The following NFRKB variants were observed in gnomAD, a reference collection of about 807,000 sequenced individuals.
NFRKB encodes nuclear factor related to kappaB binding protein, also known as nuclear factor related to kappa-B-binding protein.
Under a neutral mutation model 135.7 loss-of-function variants are expected in NFRKB, and 62 were observed. That is an observed-to-expected ratio of 0.46 (90% CI 0.37 to 0.56). The LOEUF is 0.56. NFRKB is among the 20% of genes least tolerant of loss of function. The pLI, the probability that NFRKB is intolerant of heterozygous loss-of-function variation, is 0.00. For synonymous variants in NFRKB, 678 were observed against 635.6 expected (o/e 1.07, Z -1.00); for missense variants, 1,545 against 1,662.0 (o/e 0.93, Z 1.22).
In NFRKB at chr11:129,883,223, G is replaced by A; in HGVS notation, c.817-17C>T. 1 of 1,611,796 alleles carries A rather than the reference G, an allele frequency of 6.2e-7. No homozygotes were observed. ...CGGGTGATCCTAGATGTGATATCCA[G>A]AATTTGGTCATGGAGGCCCAAAAAG... On this transcript the variant is annotated splice_polypyrimidine_tract_variant and intron_variant, in intron 8 of 26. Coordinates refer to ENST00000682444, the MANE Select transcript of NFRKB (RefSeq NM_001143835.2).
intron 10 of NFRKB, 93 bp downstream of exon 10, chr11:129,882,358 T>C: frequency 2.1e-6 from 3 of 1,450,826 alleles, no homozygotes; most frequent in African/African-American, 1.4e-5. Context: ...AAGTCCAACA[T>C]ACTTACAGCT....
At chr11:129,883,716 A>C (rs1447911597) in intron 8 of NFRKB, among the ~76,000 whole-genome samples, 1 of 152,190 alleles carries the variant, frequency 6.6e-6, no homozygotes, top group Non-Finnish European at 1.5e-5. Context: ...GAATAATGGA[A>C]ACAGTAAAAA....
chr11:129,885,561 G>C lies in NFRKB; in HGVS notation c.514C>G (p.Gln172Glu). 4 of 1,613,880 alleles carry C rather than the reference G, an allele frequency of 2.5e-6. No individual in the cohort carries two copies. Among genetic ancestry groups the C allele is most frequent in the Non-Finnish European group, 3.4e-6 (4 of 1,179,774 alleles). ...GTGCGGGATGGTGAAGGGCGTTTCT[G>C]CCGGAAGGGAAGGGCGGGGCCACTC... ...RRSGPALPFR[Q>E]KRPSPSRTPE... Residue 172 changes from glutamine (Q) to glutamate (E), a missense_variant, in exon 6 of 27, where the codon CAG becomes GAG. By Grantham distance (29) the Gln-to-Glu change is conservative (BLOSUM62 2). Transcript: ENST00000682444.
intron 8 of NFRKB, among the ~76,000 whole-genome samples, chr11:129,883,825 C>T (rs967054722): frequency 9.9e-5 from 15 of 152,176 alleles, no homozygotes; most frequent in Non-Finnish European, 4.4e-5. Flanking sequence ...GAGGTGGAGA[C>T]GATTCCTATA....
intron 23 of NFRKB, among the ~76,000 whole-genome samples, chr11:129,871,621 G>A (rs1359878023): frequency 6.6e-6 from 1 of 152,086 alleles, no homozygotes; most frequent in Non-Finnish European, 1.5e-5. Flanking sequence ...AAACCGCACT[G>A]GCTCCCACTT....
chr11:129,869,411 G>C, intron 24 of NFRKB, 83 bp downstream of exon 24: 1 of 1,453,812 alleles, frequency 6.9e-7, no homozygotes, highest in South Asian at 1.4e-5. Context: ...CTAGTTTTTA[G>C]GGAGTTTCTC....
Position 129,881,749 on chromosome 11 carries a change from C to T in NFRKB, c.1296G>A (p.Gln432=), listed in dbSNP as rs766351029. Reference sequence around the variant, plus strand: ...TACCTCGACTTTCTCCAGCAAGATACTGCAGGGCTGGTAGTACCAACTCAG... The same window carrying T: ...TACCTCGACTTTCTCCAGCAAGATATTGCAGGGCTGGTAGTACCAACTCAG... ...NWAELVLPAL[Q]YLAGESRAVP... Residue 432 remains glutamine (Q), a synonymous_variant, in exon 12 of 27, where the codon CAG becomes CAA. Transcript: ENST00000682444. The T allele has an allele frequency of 1.1e-5, 17 of 1,614,054 alleles. No homozygotes were observed. In the Middle Eastern group the frequency reaches 1.3e-3, roughly 125 times the overall value.
At chr11:129,877,302 T>A (rs370791781) in intron 16 of NFRKB, 23 bp downstream of exon 16, 7 of 1,613,326 alleles carry the variant, frequency 4.3e-6, no homozygotes, top group Non-Finnish European at 5.9e-6. Flanking sequence ...GGCAGAGACT[T>A]ACACTGGCTT....
intron 4 of NFRKB, among the ~76,000 whole-genome samples, chr11:129,886,670 T>C (rs1268806999): frequency 2.0e-5 from 3 of 152,170 alleles, no homozygotes; most frequent in Admixed American, 6.5e-5. Flanking sequence ...GTAATGCAAC[T>C]GTCTTCAGCA....
chr11:129,873,727 C>T lies in NFRKB; in HGVS notation c.2550+18G>A, dbSNP rs1948627837. On this transcript the variant is annotated intron_variant, in intron 22 of 26. Coordinates refer to ENST00000682444, the MANE Select transcript of NFRKB (RefSeq NM_001143835.2). Reference sequence around the variant, plus strand: ...GTCTGCATCTCTGCTTCCCAATGACCACGGCTTCCCTGTTTACCTGGGGCA... The same window carrying T: ...GTCTGCATCTCTGCTTCCCAATGACTACGGCTTCCCTGTTTACCTGGGGCA... 1 of 1,605,356 alleles carries T rather than the reference C, an allele frequency of 6.2e-7. No homozygotes were observed. Among genetic ancestry groups the T allele is most frequent in the Non-Finnish European group, 8.5e-7 (1 of 1,172,734 alleles).
chr11:129,869,154 A>T (rs1028148123), intron 24 of NFRKB, among the ~76,000 whole-genome samples: 3 of 152,230 alleles, frequency 2.0e-5, no homozygotes, highest in Non-Finnish European at 4.4e-5. Context: ...ACCAACAGCA[A>T]TTAGTCTTCA....
Position 129,875,394 on chromosome 11 carries a change from T to G in NFRKB, c.1817A>C (p.Asp606Ala). The G allele has an allele frequency of 6.2e-7, 1 of 1,613,288 alleles. No individual in the cohort carries two copies. Among genetic ancestry groups the G allele is most frequent in the African/African-American group, 1.3e-5 (1 of 74,928 alleles). Residue 606 changes from aspartate to alanine, a missense_variant, in exon 18 of 27, where the codon GAC (aspartate) becomes GCC (alanine). Physicochemically the swap from Asp to Ala is moderately radical, Grantham distance 126. Coordinates refer to ENST00000682444, the MANE Select transcript of NFRKB (RefSeq NM_001143835.2). ...GACATCTGGTGCAAGAAACTGGGAG[T>G]CCTTAAGCAGTTCACAGATCTCTGC... is the stretch of plus-strand genomic sequence containing the variant. ...TRAEICELLK[D>A]SQFLAPDVTS...
In NFRKB at chr11:129,868,604, T is replaced by C. The variant is rs578225862; in HGVS notation, c.3531+890A>G. Among the ~76,000 whole-genome samples, 4 of 152,264 alleles carry C rather than the reference T, an allele frequency of 2.6e-5. No individual in the cohort carries two copies. The East Asian group carries it at 7.7e-4, about 29-fold the overall frequency. ...ACGTTCACACATAAGCCCAGACACA[T>C]TCGCCACTGCCTGGCTAACAGTGGA... is the stretch of plus-strand genomic sequence containing the variant. On this transcript the variant is annotated intron_variant, in intron 24 of 26. Coordinates refer to ENST00000682444, the MANE Select transcript of NFRKB (RefSeq NM_001143835.2).
Position 129,870,183 on chromosome 11 carries a change from G to A in NFRKB, c.2842C>T (p.Gln948Ter). ...IPLTATNFRI[Q>*]GKDVLRLPPS... is the part of the protein sequence containing the mutation. Reference sequence around the variant, plus strand: ...GGCAGACGCAATACATCCTTACCCTGGATGCGGAAGTTAGTGGCTGTGAGT... The same window carrying A: ...GGCAGACGCAATACATCCTTACCCTAGATGCGGAAGTTAGTGGCTGTGAGT... Residue 948 changes from glutamine (Q) to a stop codon, truncating the protein, a stop_gained, in exon 24 of 27, where the codon CAG becomes TAG. Transcript: ENST00000682444. LOFTEE classifies it high-confidence loss of function. The A allele has an allele frequency of 6.2e-7, 1 of 1,614,222 alleles. No individual in the cohort carries two copies. The highest frequency in any genetic ancestry group is 8.5e-7 in the Non-Finnish European group (1 of 1,180,048).
intron 25 of NFRKB, 54 bp from the exon 26 acceptor site, chr11:129,865,155 C>A: frequency 6.3e-7 from 1 of 1,577,814 alleles, no homozygotes. Flanking sequence ...TATTCTCTGG[C>A]CCAGATTTAG....
Position 129,878,494 on chromosome 11 carries a change from C to G in NFRKB, c.1434G>C (p.Trp478Cys). 6.2e-7 allele frequency: 1 copy of G among 1,614,116 alleles called. No homozygotes were observed. Among genetic ancestry groups the G allele is most frequent in the Admixed American group, 1.7e-5 (1 of 60,028 alleles). Residue 478 changes from tryptophan to cysteine, a missense_variant, in exon 14 of 27, where the codon TGG (tryptophan) becomes TGC (cysteine). By Grantham distance (215) the Trp-to-Cys change is radical (BLOSUM62 -2). Around this residue, in one of 3 missense-constraint regions of NFRKB, gnomAD observed 678 missense variants for 646.7 expected, o/e 1.05. Coordinates refer to ENST00000682444, the MANE Select transcript of NFRKB (RefSeq NM_001143835.2). ...AGAAGGCCTGATCTTTGGTCTCTAG[C>G]CATAGCTGGAAGAGGGCAGCTAATT... ...EKELAALFQL[W>C]LETKDQAFCK...
Position 129,864,691 on chromosome 11 carries a change from C to T in NFRKB, c.*34G>A, listed in dbSNP as rs1397542177. The T allele has an allele frequency of 1.9e-6, 3 of 1,613,556 alleles. No homozygotes were observed. Among genetic ancestry groups the T allele is most frequent in the Admixed American group, 3.3e-5 (2 of 60,004 alleles). On this transcript the variant is annotated 3_prime_UTR_variant, in exon 27 of 27. Transcript: ENST00000682444. ...CCCTTCTCAGCCAGGACAGACCAGGCATGGTCTTTCACGGAAGCCATCCTC... is the reference window on the plus strand; with the variant it reads ...CCCTTCTCAGCCAGGACAGACCAGGTATGGTCTTTCACGGAAGCCATCCTC...
At chr11:129,881,604 A>G in intron 12 of NFRKB, 96 bp from the exon 13 acceptor site, 1 of 1,591,292 alleles carries the variant, frequency 6.3e-7, no homozygotes, top group Non-Finnish European at 8.6e-7. Context: ...AAAAGCAGGA[A>G]CCTTCAAGGC....
At position 129,882,201 on chromosome 11, in the gene NFRKB, A is replaced by T. The variant is rs1450619698; in HGVS notation, c.1083-7T>A. On this transcript the variant is annotated splice_polypyrimidine_tract_variant and splice_region_variant and intron_variant, in intron 10 of 26. Coordinates refer to ENST00000682444, the MANE Select transcript of NFRKB (RefSeq NM_001143835.2). ...CTTGAGGTCTTCAAGGGGCCTAATG[A>T]GGGAAGAAAAATATAAGAACCAAAA... is the stretch of plus-strand genomic sequence containing the variant. The T allele has an allele frequency of 6.3e-7, 1 of 1,591,012 alleles. No homozygotes were observed. The highest frequency in any genetic ancestry group is 8.5e-7 in the Non-Finnish European group (1 of 1,173,008).
Sources: allele counts gnomAD v4.1 joint callset (sites outside exome capture counted in the v4.1 genomes callset), GRCh38; gene constraint gnomAD v4.1.1; regional missense constraint gnomAD v4.1.1; transcripts MANE v1.5; gene names NCBI Gene and HGNC (gene_info 2026-07-23, HGNC 2026-07-21).